Variants in ATOSA observed in about 807,000 individuals in gnomAD.
The protein encoded by ATOSA is atos homolog A.
the ATOSA span, among the ~76,000 whole-genome samples, chr15:52,708,088 A>G: frequency 6.6e-6 from 1 of 152,166 alleles, no homozygotes; most frequent in Non-Finnish European, 1.5e-5. Flanking sequence ...TGCACTGAAT[A>G]TTAAATTAGA....
At chr15:52,611,552 T>TC in the ATOSA span, 1 of 1,609,612 alleles carries the variant, frequency 6.2e-7, no homozygotes, top group Non-Finnish European at 8.5e-7. Flanking sequence ...AAGAACAACT[T>TC]TGAACTACGT....
chr15:52,603,275 A>T, the ATOSA span, among the ~76,000 whole-genome samples: 1 of 152,200 alleles, frequency 6.6e-6, no homozygotes, highest in Non-Finnish European at 1.5e-5. Context: ...AACCATAATG[A>T]GATGTTGTCT....
the ATOSA span, chr15:52,679,299 C>G: frequency 6.5e-6 from 1 of 154,366 alleles, no homozygotes; most frequent in African/African-American, 2.4e-5. Flanking sequence ...CAGCTCCTTG[C>G]CCGCCCGCTG....
chr15:52,615,032 T>C, the ATOSA span, among the ~76,000 whole-genome samples: 1 of 152,186 alleles, frequency 6.6e-6, no homozygotes, highest in East Asian at 1.9e-4. Context: ...TCCCCCTCCC[T>C]TTACTAGTTC....
chr15:52,675,854 G>A, the ATOSA span, among the ~76,000 whole-genome samples: 3 of 151,622 alleles, frequency 2.0e-5, no homozygotes, highest in African/African-American at 7.3e-5. Flanking sequence ...TGCAGTGAGC[G>A]GAGATTGCGC....
At chr15:52,621,521 T>G in the ATOSA span, among the ~76,000 whole-genome samples, 1 of 152,252 alleles carries the variant, frequency 6.6e-6, no homozygotes, top group African/African-American at 2.4e-5. Flanking sequence ...AAATCCCACT[T>G]TGAATTGTAA....
the ATOSA span, chr15:52,609,999 G>A: frequency 6.2e-6 from 10 of 1,613,732 alleles, no homozygotes; most frequent in East Asian, 2.2e-5. Flanking sequence ...CAGATTTACT[G>A]CCAGTGCCTG....
chr15:52,614,697 A>G, the ATOSA span, among the ~76,000 whole-genome samples: 1 of 151,716 alleles, frequency 6.6e-6, no homozygotes, highest in African/African-American at 2.4e-5. Flanking sequence ...AAAATACAAA[A>G]ATCAGCTGGG....
chr15:52,651,861 A>T, the ATOSA span: 82 of 1,535,212 alleles, frequency 5.3e-5, no homozygotes, highest in Non-Finnish European at 7.1e-5. Context: ...AAAACACTTC[A>T]CTACACACCT....
chr15:52,635,219 CT>C, the ATOSA span, among the ~76,000 whole-genome samples: 130 of 152,194 alleles, frequency 8.5e-4, no homozygotes, highest in African/African-American at 3.0e-3. Context: ...TCAACATACC[CT>C]TTTTCAATAG....
the ATOSA span, among the ~76,000 whole-genome samples, chr15:52,676,794 C>A: frequency 1.3e-5 from 2 of 152,162 alleles, no homozygotes; most frequent in Non-Finnish European, 2.9e-5. Context: ...CACAACAATT[C>A]AAAATAAATA....
the ATOSA span, chr15:52,587,523 A>G: frequency 1.5e-5 from 3 of 200,290 alleles, no homozygotes; most frequent in Non-Finnish European, 2.0e-5. Context: ...GGAAGGTAAT[A>G]GGACCCTTCC....
the ATOSA span, among the ~76,000 whole-genome samples, chr15:52,691,739 G>A: frequency 6.6e-6 from 1 of 152,186 alleles, no homozygotes; most frequent in South Asian, 2.1e-4. Context: ...GGAGGCTGAG[G>A]TGGGAGGATC....
At chr15:52,655,783 A>T in the ATOSA span, among the ~76,000 whole-genome samples, 1 of 152,140 alleles carries the variant, frequency 6.6e-6, no homozygotes, top group Admixed American at 6.5e-5. Context: ...GACCCCTTAA[A>T]GCAGCAAGAC....
chr15:52,609,868 C>T, the ATOSA span: 20 of 1,613,480 alleles, frequency 1.2e-5, no homozygotes, highest in South Asian at 7.7e-5. Context: ...GAAACTCTGG[C>T]GGTTAGAGAT....
At chr15:52,651,516 C>T in the ATOSA span, among the ~76,000 whole-genome samples, 1,615 of 152,300 alleles carry the variant, frequency 0.011, 26 homozygotes, top group African/African-American at 0.037. Context: ...AAAAATACCT[C>T]CTGCCCCCAC....
At chr15:52,691,402 T>C in the ATOSA span, among the ~76,000 whole-genome samples, 44 of 152,294 alleles carry the variant, frequency 2.9e-4, no homozygotes, top group Non-Finnish European at 4.0e-4. Context: ...CATTAGAAAT[T>C]AGAAAGATAA....
the ATOSA span, chr15:52,587,206 A>C: frequency 6.2e-7 from 1 of 1,613,420 alleles, no homozygotes; most frequent in South Asian, 1.1e-5. Flanking sequence ...AAGGGACTCT[A>C]AAGTAATCAC....
chr15:52,694,584 G>A, the ATOSA span, among the ~76,000 whole-genome samples: 326 of 152,020 alleles, frequency 2.1e-3, 2 homozygotes, highest in African/African-American at 7.5e-3. Flanking sequence ...CTATAATCCC[G>A]CCACTTTGGG....
Sources: allele counts gnomAD v4.1 joint callset (sites outside exome capture counted in the v4.1 genomes callset), GRCh38; gene constraint gnomAD v4.1.1; transcripts MANE v1.5; gene names NCBI Gene and HGNC (gene_info 2026-07-23, HGNC 2026-07-21).